The following RBM47 variants were observed in gnomAD, a reference collection of about 807,000 sequenced individuals.
RBM47 encodes RNA binding motif protein 47, also known as RNA-binding protein 47.
A neutral mutation model predicts 47.1 loss-of-function variants in RBM47; 21 were observed. The observed-to-expected ratio is 0.45, with a 90% CI of 0.32 to 0.64. The LOEUF is 0.64. Among genes scored for constraint, RBM47 ranks in the 30% least tolerant of loss-of-function variants. The pLI, the probability that RBM47 is intolerant of heterozygous loss-of-function variation, is 0.05. For missense variants in RBM47, 708 were observed against 870.9 expected (o/e 0.81, Z 2.35); for synonymous variants, 375 against 361.7 (o/e 1.04, Z -0.42).
chr4:40,615,858 A>G (rs1464566604), intron 1 of RBM47, among the ~76,000 whole-genome samples: 1 of 152,222 alleles, frequency 6.6e-6, no homozygotes, highest in Non-Finnish European at 1.5e-5. Flanking sequence ...CATCTTATGC[A>G]AAACGAATAA....
At position 40,629,734 on chromosome 4, in the gene RBM47, G is replaced by A. The variant is rs1738057698; in HGVS notation, c.-578C>T. 1 of 152,284 alleles carries A rather than the reference G, an allele frequency of 6.6e-6. No homozygotes were observed. Among genetic ancestry groups the A allele is most frequent in the Middle Eastern group, 3.4e-3 (1 of 294 alleles). 9.4% of individuals were successfully genotyped at this position (152,284 alleles called of 1,614,324 possible). On this transcript the variant is annotated 5_prime_UTR_variant, in exon 1 of 7. Transcript: ENST00000295971. The stretch of plus-strand genomic sequence containing the variant: ...TTCCACAGTGGAAAGCGGGAGCGGC[G>A]ACCCGAAGGCAGCGAAGTTCTCTCG...
intron 1 of RBM47, among the ~76,000 whole-genome samples, chr4:40,576,919 C>T (rs183635589): frequency 2.2e-4 from 33 of 152,264 alleles, no homozygotes; most frequent in African/African-American, 7.5e-4. Context: ...CATTAAATAA[C>T]TTTCCCAGGG....
intron 2 of RBM47, among the ~76,000 whole-genome samples, chr4:40,494,474 C>G (rs1722307092): frequency 6.6e-6 from 1 of 152,200 alleles, no homozygotes; most frequent in Non-Finnish European, 1.5e-5. Context: ...TAATGAGTGG[C>G]TCAGCTGTAC....
At chr4:40,568,048 G>T (rs921839766) in intron 1 of RBM47, among the ~76,000 whole-genome samples, 1 of 151,660 alleles carries the variant, frequency 6.6e-6, no homozygotes, top group South Asian at 2.1e-4. Context: ...GGGAGGCGGA[G>T]GTTGCCATGA....
chr4:40,430,335 G>C (rs1343955830), intron 6 of RBM47, among the ~76,000 whole-genome samples: 1 of 152,156 alleles, frequency 6.6e-6, no homozygotes, highest in Non-Finnish European at 1.5e-5. Context: ...CTGGAATTTG[G>C]ACCTGACCAG....
At chr4:40,537,055 A>C (rs75133566) in intron 2 of RBM47, among the ~76,000 whole-genome samples, 12,896 of 152,152 alleles carry the variant, frequency 0.085, 960 homozygotes, top group African/African-American at 0.2. Context: ...CAGACAAAGT[A>C]ACTAACCACT....
intron 1 of RBM47, among the ~76,000 whole-genome samples, chr4:40,590,642 T>C (rs1734052453): frequency 6.6e-6 from 1 of 152,156 alleles, no homozygotes; most frequent in African/African-American, 2.4e-5. Flanking sequence ...CAACCCAATA[T>C]CCATCAACAG....
chr4:40,430,476 T>TA (rs1406622601), intron 6 of RBM47, among the ~76,000 whole-genome samples: 1 of 152,256 alleles, frequency 6.6e-6, no homozygotes, highest in African/African-American at 2.4e-5. Context: ...CCACAAGTAT[T>TA]ATAACTATAC....
chr4:40,572,098 A>AAC (rs1553903292), intron 1 of RBM47, among the ~76,000 whole-genome samples: 7 of 150,426 alleles, frequency 4.7e-5, no homozygotes, highest in Admixed American at 1.3e-4. Context: ...AAAAAAAAAA[A>AAC]AAAACCCACC....
chr4:40,549,828 G>A (rs908824150), intron 1 of RBM47, among the ~76,000 whole-genome samples: 1 of 152,100 alleles, frequency 6.6e-6, no homozygotes, highest in Non-Finnish European at 1.5e-5. Flanking sequence ...TTACAGGCGT[G>A]TGCCACCACG....
intron 1 of RBM47, among the ~76,000 whole-genome samples, chr4:40,566,010 G>A (rs1731069101): frequency 6.6e-6 from 1 of 152,092 alleles, no homozygotes; most frequent in Admixed American, 6.6e-5. Flanking sequence ...TAAGGCTGCA[G>A]TGAACTGTGA....
At chr4:40,511,171 CA>C (rs1724878742) in intron 2 of RBM47, among the ~76,000 whole-genome samples, 1 of 152,218 alleles carries the variant, frequency 6.6e-6, no homozygotes, top group Non-Finnish European at 1.5e-5. Flanking sequence ...AGCTCCTACG[CA>C]TGTGACTTTT....
intron 2 of RBM47, among the ~76,000 whole-genome samples, chr4:40,523,359 A>G (rs1181568097): frequency 6.6e-6 from 1 of 151,750 alleles, no homozygotes; most frequent in Non-Finnish European, 1.5e-5. Context: ...GTTCAAGATC[A>G]GCCATGGTAG....
intron 2 of RBM47, among the ~76,000 whole-genome samples, chr4:40,522,368 G>C (rs998698331): frequency 3.9e-5 from 6 of 152,064 alleles, no homozygotes; most frequent in African/African-American, 1.2e-4. Flanking sequence ...AGCCCGGCGT[G>C]GTGGCAGGCG....
intron 2 of RBM47, among the ~76,000 whole-genome samples, chr4:40,476,464 G>C (rs1255900972): frequency 6.6e-6 from 1 of 151,884 alleles, no homozygotes; most frequent in Non-Finnish European, 1.5e-5. Flanking sequence ...TTTGGAGCTA[G>C]AAATTGATTT....
chr4:40,611,652 C>T (rs1171601356), intron 1 of RBM47, among the ~76,000 whole-genome samples: 1 of 151,934 alleles, frequency 6.6e-6, no homozygotes, highest in Non-Finnish European at 1.5e-5. Context: ...CGCTTGAACC[C>T]GGGAGGCAGA....
intron 1 of RBM47, among the ~76,000 whole-genome samples, chr4:40,560,135 C>A (rs1409239383): frequency 6.6e-6 from 1 of 152,082 alleles, no homozygotes; most frequent in Non-Finnish European, 1.5e-5. Context: ...GAGTTTTGAC[C>A]CACAGAGGTC....
intron 2 of RBM47, among the ~76,000 whole-genome samples, chr4:40,472,456 C>A (rs1426214529): frequency 1.3e-5 from 2 of 151,212 alleles, no homozygotes; most frequent in African/African-American, 2.4e-5. Context: ...TACCTGTAAT[C>A]TCAGCTAAGG....
At chr4:40,488,869 C>T (rs375097027) in intron 2 of RBM47, among the ~76,000 whole-genome samples, 75 of 152,308 alleles carry the variant, frequency 4.9e-4, no homozygotes, top group African/African-American at 1.5e-3. Flanking sequence ...TTAATCCTCA[C>T]GACAATCCTA....
Sources: allele counts gnomAD v4.1 joint callset (sites outside exome capture counted in the v4.1 genomes callset), GRCh38; gene constraint gnomAD v4.1.1; transcripts MANE v1.5; gene names NCBI Gene and HGNC (gene_info 2026-07-23, HGNC 2026-07-21).